The following CCDC7 variants were observed in gnomAD, a reference collection of about 807,000 sequenced individuals.
CCDC7 encodes coiled-coil domain-containing protein 7.
Under a neutral mutation model 196.9 loss-of-function variants are expected in CCDC7, and 183 were observed. The observed-to-expected ratio is 0.93, with a 90% confidence interval of 0.82 to 1.05. The LOEUF (loss-of-function observed/expected upper bound fraction) is 1.05. Among genes scored for constraint, CCDC7 ranks in the 50% least tolerant of loss-of-function variants. CCDC7 has a pLI of 0.00. For missense variants in CCDC7, 1,540 were observed against 1,482.2 expected (o/e 1.04, Z -0.64); for synonymous variants, 525 against 484.6 (o/e 1.08, Z -1.10).
chr10:32,500,746 G>T (rs550831181), intron 9 of CCDC7, among the ~76,000 whole-genome samples: 29 of 152,354 alleles, frequency 1.9e-4, no homozygotes, highest in African/African-American at 6.7e-4. Flanking sequence ...CTGCACTCCA[G>T]CCTGGGCAAC....
intron 5 of CCDC7, among the ~76,000 whole-genome samples, chr10:32,467,084 C>T (rs992424707): frequency 1.3e-5 from 2 of 150,336 alleles, no homozygotes; most frequent in African/African-American, 4.9e-5. Flanking sequence ...TTTTGAAAAG[C>T]GTCGTTCATG....
In CCDC7 at chr10:32,490,797, CA is replaced by C. The variant is rs58611913; in HGVS notation, c.797-1113del. 8.9e-3 allele frequency among the ~76,000 whole-genome samples: 1,237 copies of C among 138,914 alleles called. 14 individuals are homozygous for C. The highest frequency in any genetic ancestry group is 0.029 in the African/African-American group (1,101 of 37,930). The allele number at this position is 138,914 out of a possible 152,430, so 91.1% of individuals were successfully genotyped here. Reference sequence around the variant, plus strand: ...TGGGCGACAGAGCGAGACTCCGCCTCAAAAAAAAAAAAGTTGGTGTTTTATT... The same window carrying C: ...TGGGCGACAGAGCGAGACTCCGCCTCAAAAAAAAAAAGTTGGTGTTTTATT... On this transcript the variant is annotated intron_variant, in intron 8 of 41. Transcript: ENST00000639629.
chr10:32,654,478 T>G (rs2069388926), intron 20 of CCDC7, among the ~76,000 whole-genome samples: 1 of 152,220 alleles, frequency 6.6e-6, no homozygotes, highest in South Asian at 2.1e-4. Context: ...ATTTTGCTGT[T>G]TTTGTTATTT....
At chr10:32,465,186 A>G (rs548944101) in intron 5 of CCDC7, among the ~76,000 whole-genome samples, 1 of 151,738 alleles carries the variant, frequency 6.6e-6, no homozygotes, top group Admixed American at 6.5e-5. Context: ...CTTTCCTTGT[A>G]AGAGACAACT....
chr10:32,474,277 G>T (rs1249123722), intron 8 of CCDC7, among the ~76,000 whole-genome samples: 1 of 132,700 alleles, frequency 7.5e-6, no homozygotes, highest in Non-Finnish European at 1.6e-5. Context: ...AGGCTGGAGT[G>T]CAGTGGCATG....
chr10:32,705,063 C>A (rs939325929), intron 24 of CCDC7, among the ~76,000 whole-genome samples: 21 of 152,136 alleles, frequency 1.4e-4, no homozygotes, highest in African/African-American at 4.6e-4. Flanking sequence ...GAACCCGGCA[C>A]CTCAGTTGGA....
intron 29 of CCDC7, among the ~76,000 whole-genome samples, chr10:32,789,087 G>A (rs1226682682): frequency 2.0e-5 from 3 of 147,592 alleles, no homozygotes; most frequent in Non-Finnish European, 3.0e-5. Context: ...TGAGCTGAAC[G>A]GTAAAGGGCT....
chr10:32,481,710 G>C (rs2134143678), intron 8 of CCDC7: 1 of 152,262 alleles, frequency 6.6e-6, no homozygotes, highest in East Asian at 1.9e-4. Context: ...AGGCAAGCCT[G>C]ATGATGATGA....
intron 23 of CCDC7, among the ~76,000 whole-genome samples, chr10:32,694,002 C>A (rs2077392159): frequency 6.6e-6 from 1 of 152,132 alleles, no homozygotes; most frequent in Admixed American, 6.5e-5. Flanking sequence ...AATTCATATA[C>A]AATAATTATA....
chr10:32,548,525 G>A (rs567515494), intron 13 of CCDC7, among the ~76,000 whole-genome samples: 5 of 152,284 alleles, frequency 3.3e-5, no homozygotes, highest in East Asian at 1.9e-4. Flanking sequence ...TTAAAATGGC[G>A]GACAAAGAAC....
At chr10:32,750,015 A>G (rs1049492090) in intron 28 of CCDC7, among the ~76,000 whole-genome samples, 2 of 152,194 alleles carry the variant, frequency 1.3e-5, no homozygotes, top group Non-Finnish European at 2.9e-5. Context: ...AAACATATGT[A>G]ATTGCCAATA....
At chr10:32,865,901 G>A (rs1404261893) in intron 41 of CCDC7, among the ~76,000 whole-genome samples, 1 of 151,790 alleles carries the variant, frequency 6.6e-6, no homozygotes, top group Non-Finnish European at 1.5e-5. Context: ...TAAATATGGA[G>A]AGAGGAATGA....
intron 20 of CCDC7, among the ~76,000 whole-genome samples, chr10:32,639,591 C>T (rs1476629305): frequency 6.7e-6 from 1 of 149,872 alleles, no homozygotes; most frequent in Non-Finnish European, 1.5e-5. Flanking sequence ...TTTGATTGCA[C>T]TGTGGTCTGA....
chr10:32,742,504 T>C (rs1354675311), intron 28 of CCDC7, among the ~76,000 whole-genome samples: 1 of 152,188 alleles, frequency 6.6e-6, no homozygotes, highest in East Asian at 1.9e-4. Flanking sequence ...TATTTCTCCC[T>C]TACCCCTAAC....
intron 31 of CCDC7, among the ~76,000 whole-genome samples, chr10:32,816,549 T>A (rs1029098338): frequency 1.3e-5 from 2 of 152,156 alleles, no homozygotes; most frequent in African/African-American, 4.8e-5. Flanking sequence ...TCAAGTGGGT[T>A]CCTGACCCTC....
At chr10:32,757,580 A>G (rs2076679914) in intron 28 of CCDC7, among the ~76,000 whole-genome samples, 1 of 152,254 alleles carries the variant, frequency 6.6e-6, no homozygotes. Flanking sequence ...ACATACCAGA[A>G]TCTGTGGGAC....
intron 28 of CCDC7, among the ~76,000 whole-genome samples, chr10:32,733,157 G>C (rs190521396): frequency 6.6e-6 from 1 of 151,806 alleles, no homozygotes; most frequent in East Asian, 1.9e-4. Flanking sequence ...AATTTAACTT[G>C]ATTATAAAAT....
At chr10:32,864,744 CA>C (rs966348567) in intron 41 of CCDC7, among the ~76,000 whole-genome samples, 14 of 151,634 alleles carry the variant, frequency 9.2e-5, no homozygotes. Flanking sequence ...TAGAAAGAAA[CA>C]TAGGAAATCC....
Position 32,482,672 on chromosome 10 carries a change from C to G in CCDC7, c.796+8649C>G, listed in dbSNP as rs570348169. On this transcript the variant is annotated intron_variant, in intron 8 of 41. Coordinates refer to ENST00000639629, the Ensembl canonical transcript of CCDC7. ...CCTCCCCCAACCCCACAACAGGCCC[C>G]GGTGTGTGATGTTCCCTTTCCTGTG... 8.5e-5 allele frequency among the ~76,000 whole-genome samples: 13 copies of G among 152,132 alleles called. No homozygotes were observed. In the South Asian group the frequency reaches 2.7e-3, roughly 32 times the overall value.
Sources: gnomAD v4.1 joint callset for allele counts (sites outside exome capture counted in the v4.1 genomes callset) on GRCh38, gnomAD v4.1.1 for gene constraint, MANE v1.5 for transcripts, NCBI Gene and HGNC (gene_info 2026-07-23, HGNC 2026-07-21) for gene names.